The following PRIM2 variants were observed in gnomAD, a reference collection of about 807,000 sequenced individuals.
The protein encoded by PRIM2 is DNA primase large subunit.
In PRIM2, 39 loss-of-function variants were observed where a neutral mutation model predicts 67.3. That is an observed-to-expected ratio of 0.58 (90% confidence interval 0.45 to 0.76). The LOEUF is 0.76. Ranked by LOEUF, PRIM2 falls within the 30% of genes least tolerant of loss-of-function variation. The probability of loss-of-function intolerance (pLI) is 0.00; values close to 1 mark genes in which losing one functional copy is unlikely to be tolerated. For synonymous variants in PRIM2, 143 were observed against 198.7 expected, an observed-to-expected ratio of 0.72 and a Z score of 2.36; for missense variants, 398 against 598.7, an observed-to-expected ratio of 0.66 and a Z score of 3.50.
intron 7 of PRIM2, among the ~76,000 whole-genome samples, chr6:57,444,907 T>C (rs1351484641): frequency 6.6e-6 from 1 of 151,334 alleles, no homozygotes; most frequent in Non-Finnish European, 1.5e-5. Context: ...TTGTTAATGA[T>C]AGTCTCCTTG....
chr6:57,333,747 A>T (rs1223365789), intron 5 of PRIM2, among the ~76,000 whole-genome samples: 1 of 151,646 alleles, frequency 6.6e-6, no homozygotes, highest in Non-Finnish European at 1.5e-5. Flanking sequence ...CTATTTATTT[A>T]TTTTTCCCTC....
intron 8 of PRIM2, among the ~76,000 whole-genome samples, chr6:57,531,201 C>T (rs1158826656): frequency 0.011 from 1,660 of 152,190 alleles, 31 homozygotes; most frequent in African/African-American, 0.036. Context: ...AGCCTAGGCT[C>T]GAATGCTCAG....
At chr6:57,602,312 A>T (rs1776485617) in intron 11 of PRIM2, among the ~76,000 whole-genome samples, 1 of 152,146 alleles carries the variant, frequency 6.6e-6, no homozygotes, top group Admixed American at 6.5e-5. Context: ...TGGCCTCCCA[A>T]AGTGCTAGGA....
chr6:57,365,000 T>C (rs1216480683), intron 5 of PRIM2, among the ~76,000 whole-genome samples: 3 of 152,184 alleles, frequency 2.0e-5, no homozygotes, highest in Non-Finnish European at 4.4e-5. Context: ...GCTGCTGTGC[T>C]GTTGGTGATG....
intron 10 of PRIM2, among the ~76,000 whole-genome samples, chr6:57,558,219 T>A (rs1327292587): frequency 6.9e-4 from 105 of 152,288 alleles, no homozygotes; most frequent in African/African-American, 2.5e-3. Context: ...ATTAGCACAG[T>A]GTCTGATACA....
chr6:57,348,956 A>G (rs1768770117), intron 5 of PRIM2, among the ~76,000 whole-genome samples: 2 of 152,018 alleles, frequency 1.3e-5, no homozygotes, highest in Non-Finnish European at 2.9e-5. Context: ...CATTTTCGTC[A>G]GGATGGTCTT....
At chr6:57,298,127 C>T in the PRIM2 span, among the ~76,000 whole-genome samples, 44 of 152,130 alleles carry the variant, frequency 2.9e-4, no homozygotes, top group African/African-American at 8.7e-4. Flanking sequence ...TTTGGGAAGC[C>T]GAGGTGGGCA....
chr6:57,274,468 C>T, the PRIM2 span, among the ~76,000 whole-genome samples: 1 of 152,204 alleles, frequency 6.6e-6, no homozygotes, highest in Non-Finnish European at 1.5e-5. Flanking sequence ...TTTTTTAAAC[C>T]CATTGGGAAA....
At chr6:57,320,912 A>G (rs1168215023) in intron 3 of PRIM2, among the ~76,000 whole-genome samples, 3 of 152,174 alleles carry the variant, frequency 2.0e-5, no homozygotes, top group Non-Finnish European at 4.4e-5. Context: ...GTGTTTATAG[A>G]TGCATGCTCC....
intron 7 of PRIM2, among the ~76,000 whole-genome samples, chr6:57,414,779 T>C (rs879641180): frequency 4.6e-5 from 7 of 152,164 alleles, no homozygotes; most frequent in African/African-American, 1.7e-4. Context: ...TTCTTTATGA[T>C]ATATATAAAT....
At chr6:57,268,902 C>A in the PRIM2 span, among the ~76,000 whole-genome samples, 44 of 150,320 alleles carry the variant, frequency 2.9e-4, no homozygotes, top group Middle Eastern at 6.9e-3. Flanking sequence ...TTTGTCCTTG[C>A]GATAGTTTAC....
At chr6:57,459,229 G>A (rs898267002) in intron 7 of PRIM2, among the ~76,000 whole-genome samples, 1 of 152,160 alleles carries the variant, frequency 6.6e-6, no homozygotes, top group Admixed American at 6.5e-5. Flanking sequence ...GATGACTTTT[G>A]TAAAATGCTC....
At chr6:57,221,611 T>A in the PRIM2 span, 1 of 152,376 alleles carries the variant, frequency 6.6e-6, no homozygotes, top group South Asian at 2.1e-4. Context: ...GGTCGCCCCT[T>A]CCCCAGTCGG....
At chr6:57,524,147 G>A (rs1581969005) in intron 8 of PRIM2, among the ~76,000 whole-genome samples, 1 of 151,982 alleles carries the variant, frequency 6.6e-6, no homozygotes, top group Non-Finnish European at 1.5e-5. Flanking sequence ...ATTTAAAATG[G>A]GATCATTTAA....
chr6:57,534,375 T>C (rs1442348257), intron 9 of PRIM2, among the ~76,000 whole-genome samples: 2 of 152,208 alleles, frequency 1.3e-5, no homozygotes, highest in Non-Finnish European at 2.9e-5. Flanking sequence ...ACTGGCGCTA[T>C]TGTTGTTATT....
chr6:57,328,824 T>C (rs1266284713), intron 5 of PRIM2, among the ~76,000 whole-genome samples: 1 of 152,180 alleles, frequency 6.6e-6, no homozygotes, highest in Non-Finnish European at 1.5e-5. Flanking sequence ...TCACCAAAAA[T>C]TGTTACCTTT....
chr6:57,383,261 T>A (rs1770022336), intron 7 of PRIM2: 1 of 152,024 alleles, frequency 6.6e-6, no homozygotes. Context: ...CTTTTATTAT[T>A]CTTAGTTTTA....
intron 7 of PRIM2, among the ~76,000 whole-genome samples, chr6:57,405,172 G>T (rs1350875128): frequency 6.6e-6 from 1 of 152,254 alleles, no homozygotes; most frequent in Non-Finnish European, 1.5e-5. Context: ...GTGGGGAGGG[G>T]TACTTGTAAA....
chr6:57,222,574 C>T, the PRIM2 span, among the ~76,000 whole-genome samples: 1 of 152,212 alleles, frequency 6.6e-6, no homozygotes, highest in South Asian at 2.1e-4. Flanking sequence ...GGACACCTAC[C>T]TTATTTTCTT....
Sources: allele counts gnomAD v4.1 joint callset (sites outside exome capture counted in the v4.1 genomes callset), GRCh38; gene constraint gnomAD v4.1.1; transcripts MANE v1.5; gene names NCBI Gene and HGNC (gene_info 2026-07-23, HGNC 2026-07-21).